The following A2M variants were observed in gnomAD, a reference collection of about 807,000 sequenced individuals.
A2M encodes alpha-2-macroglobulin, also known as C3 and PZP-like alpha-2-macroglobulin domain-containing protein 5.
In A2M, 128 loss-of-function variants were observed where a neutral mutation model predicts 183.9. That is an observed-to-expected ratio of 0.70 (90% CI 0.60 to 0.81). The LOEUF (loss-of-function observed/expected upper bound fraction) is 0.81. Among genes scored for constraint, A2M ranks in the 30% least tolerant of loss-of-function variants. A2M has a pLI of 0.00. For synonymous variants in A2M, 592 were observed against 670.8 expected (o/e 0.88, Z 1.81); for missense variants, 1,495 against 1,787.6 (o/e 0.84, Z 2.95).
chr12:9,092,554 T>C (rs1414399801), intron 18 of A2M, among the ~76,000 whole-genome samples: 1 of 151,784 alleles, frequency 6.6e-6, no homozygotes, highest in Non-Finnish European at 1.5e-5. Context: ...TGAAAGGGAG[T>C]ATATGGCCAT....
At chr12:9,101,237 A>G (rs1482326958) in intron 12 of A2M, 30 bp from the exon 13 acceptor site, 1 of 1,548,886 alleles carries the variant, frequency 6.5e-7, no homozygotes, top group African/African-American at 1.4e-5. Context: ...AAGAAATTAA[A>G]TGTGCCAGAG....
intron 14 of A2M, 126 bp downstream of exon 14, chr12:9,099,255 T>C: frequency 1.1e-6 from 1 of 870,012 alleles, no homozygotes; most frequent in Non-Finnish European, 1.8e-6. Context: ...TGCCACTACC[T>C]TGCTGAATGT....
rs750501795 is a variant in A2M, at chr12:9,077,826, G to T, written c.3151C>A (p.Gln1051Lys). The part of the protein sequence containing the change: ...LTAFVLKTFA[Q>K]ARAYIFIDEA... Reference sequence around the variant, plus strand: ...TCGATGAAGATGTAGGCTCGAGCTTGGGCAAAAGTCTTCAGAACAAAGGCT... The same window carrying T: ...TCGATGAAGATGTAGGCTCGAGCTTTGGCAAAAGTCTTCAGAACAAAGGCT... The change falls in exon 26 of 36, where the codon CAA becomes AAA. Residue 1051 changes from glutamine to lysine, a missense_variant. Gln to Lys is a moderately conservative substitution (Grantham distance 53, BLOSUM62 1). Transcript: ENST00000318602. 7.4e-6 allele frequency: 12 copies of T among 1,614,112 alleles called. No individual in the cohort carries two copies. The East Asian group carries it at 1.1e-4, about 15-fold the overall frequency.
intron 26 of A2M, 129 bp downstream of exon 26, chr12:9,077,572 T>A: frequency 1.3e-6 from 2 of 1,495,946 alleles, no homozygotes; most frequent in Non-Finnish European, 1.8e-6. Context: ...TATCCCCTCT[T>A]TTTTGGTGCC....
chr12:9,084,761 G>T (rs565472302), intron 22 of A2M, among the ~76,000 whole-genome samples: 17 of 151,984 alleles, frequency 1.1e-4, no homozygotes, highest in Non-Finnish European at 2.5e-4. Flanking sequence ...AAACAGGACC[G>T]AAACATATGC....
At chr12:9,095,784 G>C (rs1949360351) in intron 15 of A2M, 84 bp from the exon 16 acceptor site, 2 of 1,209,682 alleles carry the variant, frequency 1.7e-6, no homozygotes, top group South Asian at 1.6e-5. Flanking sequence ...ACGGAGTCTC[G>C]CTCTGTCGCC....
chr12:9,092,834 T>G (rs1414094561), intron 18 of A2M, among the ~76,000 whole-genome samples: 1 of 152,216 alleles, frequency 6.6e-6, no homozygotes, highest in Non-Finnish European at 1.5e-5. Context: ...ACAGCATTAT[T>G]CACAGTTGCC....
Position 9,110,335 on chromosome 12 carries a change from C to A in A2M, c.484-1G>T. ...TTACCTGAATGTATACTAGTGGAAT[C>A]TGAAAGACAAAAGAAAAAAGAAGTT... On this transcript the variant is annotated splice_acceptor_variant, in intron 4 of 35. Transcript: ENST00000318602. LOFTEE classifies it high-confidence loss of function. The A allele has an allele frequency of 7.0e-7, 1 of 1,432,880 alleles. No homozygotes were observed. The highest frequency in any genetic ancestry group is 9.3e-7 in the Non-Finnish European group (1 of 1,070,948). The allele number at this position is 1,432,880 out of a possible 1,614,324, so 88.8% of individuals were successfully genotyped here.
At chr12:9,101,708 T>C (rs780151372) in intron 11 of A2M, 34 bp from the exon 12 acceptor site, 1 of 1,469,388 alleles carries the variant, frequency 6.8e-7, no homozygotes, top group Non-Finnish European at 9.3e-7. Flanking sequence ...TATTTTTAGA[T>C]TATACGTCAT....
intron 10 of A2M, among the ~76,000 whole-genome samples, chr12:9,105,858 G>A (rs773353453): frequency 1.3e-5 from 2 of 152,176 alleles, no homozygotes; most frequent in Non-Finnish European, 2.9e-5. Context: ...TGTTAGCATC[G>A]TAATGAAACT....
intron 29 of A2M, among the ~76,000 whole-genome samples, chr12:9,073,160 A>G (rs1010084913): frequency 6.6e-6 from 1 of 152,196 alleles, no homozygotes. Context: ...AAACATGTGA[A>G]TGGCAATCAG....
rs757125749 is a variant in A2M, at chr12:9,072,346, C to A, written c.4103+13G>T. The A allele has an allele frequency of 1.2e-6, 2 of 1,613,288 alleles. No homozygotes were observed. Among genetic ancestry groups the A allele is most frequent in the South Asian group, 2.2e-5 (2 of 90,830 alleles). ...TATTCTTAGGATTAGGTGATAGAGT[C>A]AGAAGGTCTTACCTGACACTTAGGG... is the stretch of plus-strand genomic sequence containing the variant. On this transcript the variant is annotated intron_variant, in intron 31 of 35. Coordinates refer to ENST00000318602, the MANE Select transcript of A2M (RefSeq NM_000014.6).
intron 22 of A2M, 23 bp from the exon 23 acceptor site, chr12:9,080,200 C>G: frequency 6.8e-7 from 1 of 1,477,706 alleles, no homozygotes; most frequent in Non-Finnish European, 9.3e-7. Context: ...GCAAATCAGA[C>G]ATATGAAAAT....
In A2M at chr12:9,112,447, C is replaced by T. The variant is rs201901298; in HGVS notation, c.360G>A (p.Val120=). 806 of 1,613,912 alleles carry T rather than the reference C, an allele frequency of 5.0e-4. No homozygotes were observed. The highest frequency in any genetic ancestry group is 6.4e-4 in the Non-Finnish European group (750 of 1,179,830). ...PTQEFKKRTT[V]MVKNEDSLVF... ...CCAGACTGTCCTCGTTCTTAACCATCACTGTGGTCCGCTTCTTAAATTCTT... is the reference window on the plus strand; with the variant it reads ...CCAGACTGTCCTCGTTCTTAACCATTACTGTGGTCCGCTTCTTAAATTCTT... The change falls in exon 3 of 36, where the codon GTG becomes GTA. Residue 120 remains valine, a synonymous_variant. Coordinates refer to ENST00000318602, the MANE Select transcript of A2M (RefSeq NM_000014.6).
intron 24 of A2M, 31 bp from the exon 25 acceptor site, chr12:9,079,362 T>C: frequency 6.3e-7 from 1 of 1,579,892 alleles, no homozygotes; most frequent in Non-Finnish European, 8.7e-7. Context: ...AACAGCACAA[T>C]GGATTAATGT....
intron 22 of A2M, among the ~76,000 whole-genome samples, chr12:9,084,587 C>T (rs747404947): frequency 6.6e-6 from 1 of 152,136 alleles, no homozygotes; most frequent in South Asian, 2.1e-4. Context: ...CACTACAGAA[C>T]ATCAGACCAC....
At chr12:9,098,536 T>C (rs1949453667) in intron 15 of A2M, 71 bp downstream of exon 15, 3 of 1,507,532 alleles carry the variant, frequency 2.0e-6, no homozygotes, top group Admixed American at 2.0e-5. Context: ...ATCCTACTTA[T>C]CCAGTCATTT....
upstream of A2M, chr12:9,116,116 G>GT: frequency 2.3e-6 from 1 of 431,682 alleles, no homozygotes; most frequent in Admixed American, 3.3e-5. Context: ...TCCCATTCCC[G>GT]TAAGAGCTCA....
Position 9,099,527 on chromosome 12 carries a change from G to A in A2M, c.1559-4C>T, listed in dbSNP as rs750532697. 12 of 1,605,202 alleles carry A rather than the reference G, an allele frequency of 7.5e-6. No homozygotes were observed. The African/African-American group carries it at 1.2e-4, about 16-fold the overall frequency. On this transcript the variant is annotated splice_region_variant and splice_polypyrimidine_tract_variant and intron_variant, in intron 13 of 35. Coordinates refer to ENST00000318602, the MANE Select transcript of A2M (RefSeq NM_000014.6). ...GAGATGGAAAAATGGCCCTTCACTG[G>A]GGCACAAAGAGAATGAGAGGAAGCC...
Sources: gnomAD v4.1 joint callset for allele counts (sites outside exome capture counted in the v4.1 genomes callset) on GRCh38, gnomAD v4.1.1 for gene constraint, MANE v1.5 for transcripts, NCBI Gene and HGNC (gene_info 2026-07-23, HGNC 2026-07-21) for gene names.